SORBS2: variants seen among roughly 807,000 people sequenced by gnomAD.
SORBS2 encodes the protein sorbin and SH3 domain containing 2.
Under a neutral mutation model 97.7 loss-of-function variants are expected in SORBS2, and 46 were observed. That is an observed-to-expected ratio of 0.47 (90% confidence interval 0.37 to 0.60). The LOEUF (loss-of-function observed/expected upper bound fraction) is 0.60, where lower values mean the gene tolerates loss of function less well. SORBS2 is among the 20% of genes least tolerant of loss of function. SORBS2 has a pLI of 0.00. For synonymous variants in SORBS2, 476 were observed against 473.4 expected (o/e 1.01, Z -0.07); for missense variants, 1,316 against 1,282.3 (o/e 1.03, Z -0.40).
chr4:185,651,574 T>C (rs1278726353), intron 2 of SORBS2, among the ~76,000 whole-genome samples: 3 of 152,314 alleles, frequency 2.0e-5, no homozygotes, highest in East Asian at 3.9e-4. Context: ...ACAGTGGGAA[T>C]GAATGAGATA....
At chr4:185,883,831 G>A (rs1026971875) in intron 1 of SORBS2, among the ~76,000 whole-genome samples, 1 of 152,174 alleles carries the variant, frequency 6.6e-6, no homozygotes, top group Non-Finnish European at 1.5e-5. Context: ...CTGGATGACA[G>A]AGCAAGACCG....
At chr4:185,898,754 C>A (rs1561280214) in intron 1 of SORBS2, among the ~76,000 whole-genome samples, 1 of 152,130 alleles carries the variant, frequency 6.6e-6, no homozygotes, top group Non-Finnish European at 1.5e-5. Flanking sequence ...ATACCCAAAT[C>A]TTTAGAAAAA....
chr4:185,655,045 A>G (rs909153850), intron 1 of SORBS2, among the ~76,000 whole-genome samples: 1 of 152,252 alleles, frequency 6.6e-6, no homozygotes, highest in African/African-American at 2.4e-5. Context: ...ATTTCACTTA[A>G]CTAGCTGGCC....
At chr4:185,771,495 A>G (rs1467323434) in intron 2 of SORBS2, 1 of 152,252 alleles carries the variant, frequency 6.6e-6, no homozygotes, top group Non-Finnish European at 1.5e-5. Context: ...TAAATGCTAC[A>G]CTATGACTGG....
intron 2 of SORBS2, among the ~76,000 whole-genome samples, chr4:185,755,049 A>G (rs1426351160): frequency 6.6e-6 from 1 of 152,264 alleles, no homozygotes; most frequent in Admixed American, 6.5e-5. Flanking sequence ...ATCTTTATAT[A>G]CCTGAGAGAT....
rs70962594 is a variant in SORBS2, at chr4:185,767,499, CAAA to C, written c.-198+7725_-198+7727del. ...TGGGCGACAGAGTGAGACTCTGTCT[CAAA>C]AAAAAAAAAAAAAAAAAGAGAAAGA... On this transcript the variant is annotated intron_variant, in intron 2 of 20. Transcript: ENST00000284776. Among the ~76,000 whole-genome samples the C allele has an allele frequency of 8.2e-5, 5 of 60,694 alleles. No individual in the cohort carries two copies. The East Asian group carries it at 1.1e-3, about 13-fold the overall frequency. 39.8% of individuals were successfully genotyped at this position (60,694 alleles called of 152,430 possible). A position where few individuals can be genotyped will look rare whatever the true frequency, so the allele number is the denominator to read the frequency against.
intron 1 of SORBS2, among the ~76,000 whole-genome samples, chr4:185,898,338 G>A (rs2099246015): frequency 1.3e-5 from 2 of 152,154 alleles, no homozygotes; most frequent in Admixed American, 6.5e-5. Flanking sequence ...CATAAGCAGG[G>A]AAACTAGAAA....
chr4:185,618,486 C>A, intron 9 of SORBS2, 99 bp downstream of exon 21: 1 of 567,082 alleles, frequency 1.8e-6, no homozygotes, highest in Non-Finnish European at 3.1e-6. Flanking sequence ...GGGAATTAGA[C>A]CTCATTTGTA....
At position 185,636,299 on chromosome 4, in the gene SORBS2, T is replaced by C. The variant is rs568591096; in HGVS notation, c.397-5701A>G. Among the ~76,000 whole-genome samples the C allele has an allele frequency of 1.8e-4, 28 of 152,316 alleles. 1 individual carries two copies. In the South Asian group the frequency reaches 5.8e-3, roughly 32 times the overall value. ...GAGAGAAAACATTCCTCCTATGAGA[T>C]AATAACCCTAAGAAAAATCCTTTGG... On this transcript the variant is annotated intron_variant, in intron 4 of 14. Coordinates refer to ENST00000418609, the Ensembl canonical transcript of SORBS2.
intron 1 of SORBS2, among the ~76,000 whole-genome samples, chr4:185,926,903 C>T (rs1052561334): frequency 6.6e-6 from 1 of 151,832 alleles, no homozygotes; most frequent in Non-Finnish European, 1.5e-5. Flanking sequence ...ATAAGCAATC[C>T]TTAACCAGCA....
chr4:185,643,553 G>C (rs2153451337), intron 4 of SORBS2, among the ~76,000 whole-genome samples: 1 of 152,258 alleles, frequency 6.6e-6, no homozygotes, highest in African/African-American at 2.4e-5. Context: ...GAGAGGTAGG[G>C]AAATGAATCA....
intron 4 of SORBS2, chr4:185,675,203 T>A (rs2097773950): frequency 6.6e-6 from 1 of 152,240 alleles, no homozygotes; most frequent in African/African-American, 2.4e-5. Context: ...TTTTCAAACA[T>A]CACAAAACCA....
At chr4:185,917,771 C>T (rs116374731) in intron 1 of SORBS2, among the ~76,000 whole-genome samples, 1,534 of 152,202 alleles carry the variant, frequency 0.01, 13 homozygotes, top group Middle Eastern at 0.017. Flanking sequence ...CAGAATGGTA[C>T]TGAACTGGGG....
upstream of SORBS2, among the ~76,000 whole-genome samples, chr4:185,661,081 C>T (rs561071674): frequency 3.3e-5 from 5 of 151,902 alleles, no homozygotes; most frequent in East Asian, 9.7e-4. Flanking sequence ...TCGAGACCAA[C>T]CTGGCCAACA....
rs114145789 is a variant in SORBS2, at chr4:185,594,441, C to A, written c.2797-506G>T. ...AGGAAAATATCAATAGGCAGACATCCCATGCTACATTTGAATTAACATTTT... is the reference window on the plus strand; with the variant it reads ...AGGAAAATATCAATAGGCAGACATCACATGCTACATTTGAATTAACATTTT... On this transcript the variant is annotated intron_variant, in intron 12 of 14. Transcript: ENST00000418609. 6.1e-3 allele frequency among the ~76,000 whole-genome samples: 924 copies of A among 152,264 alleles called. 10 individuals are homozygous for A. Among genetic ancestry groups the A allele is most frequent in the African/African-American group, 0.021 (867 of 41,548 alleles).
chr4:185,759,143 T>A (rs1209879396), intron 2 of SORBS2, among the ~76,000 whole-genome samples: 1 of 152,236 alleles, frequency 6.6e-6, no homozygotes, highest in African/African-American at 2.4e-5. Context: ...TCCAGAGTGA[T>A]GAGGATGTCA....
At chr4:185,650,986 C>G (rs952817066) in intron 2 of SORBS2, among the ~76,000 whole-genome samples, 1 of 152,204 alleles carries the variant, frequency 6.6e-6, no homozygotes, top group Admixed American at 6.5e-5. Flanking sequence ...CATGCGACCC[C>G]AGGCTGCCCA....
chr4:185,891,360 C>G (rs1337813928), intron 1 of SORBS2, among the ~76,000 whole-genome samples: 1 of 152,178 alleles, frequency 6.6e-6, no homozygotes, highest in Non-Finnish European at 1.5e-5. Flanking sequence ...GCATGACAGC[C>G]TTTCCCAAAC....
At chr4:185,646,198 G>T (rs2097203767) in intron 4 of SORBS2, 1 of 152,218 alleles carries the variant, frequency 6.6e-6, no homozygotes, top group African/African-American at 2.4e-5. Flanking sequence ...AACTGCCTGG[G>T]TCCATGTATA....
Sources: gnomAD v4.1 joint callset for allele counts (sites outside exome capture counted in the v4.1 genomes callset) on GRCh38, gnomAD v4.1.1 for gene constraint, MANE v1.5 for transcripts, NCBI Gene and HGNC (gene_info 2026-07-23, HGNC 2026-07-21) for gene names.